CLMP: variants seen among roughly 807,000 people sequenced by gnomAD.
CLMP encodes CXADR-like membrane protein.
In CLMP, 27 loss-of-function variants were observed where a neutral mutation model predicts 45.2. That is an observed-to-expected ratio of 0.60 (90% confidence interval 0.44 to 0.82). The LOEUF (loss-of-function observed/expected upper bound fraction) is 0.82. Among genes scored for constraint, CLMP ranks in the 40% least tolerant of loss-of-function variants. The pLI is 0.00. For missense variants in CLMP, 403 were observed against 448.4 expected, an observed-to-expected ratio of 0.90 and a Z score of 0.91; for synonymous variants, 167 against 171.4, an observed-to-expected ratio of 0.97 and a Z score of 0.20.
intron 1 of CLMP, among the ~76,000 whole-genome samples, chr11:123,175,681 A>G (rs1440200065): frequency 6.6e-6 from 1 of 152,150 alleles, no homozygotes; most frequent in East Asian, 1.9e-4. Flanking sequence ...CTTTGGCTCA[A>G]TTATTATTTA....
chr11:123,137,032 T>G (rs1488627656), intron 1 of CLMP, among the ~76,000 whole-genome samples: 1 of 152,086 alleles, frequency 6.6e-6, no homozygotes, highest in African/African-American at 2.4e-5. Flanking sequence ...CATGTCCAGT[T>G]TCCCGAGCCC....
At chr11:123,146,270 C>T (rs1396831285) in intron 1 of CLMP, among the ~76,000 whole-genome samples, 2 of 152,080 alleles carry the variant, frequency 1.3e-5, no homozygotes, top group East Asian at 1.9e-4. Flanking sequence ...TGGTGGCTCG[C>T]GTCTGTAATC....
At position 123,070,068 on chromosome 11, in the gene CLMP, T is replaced by C. The variant is rs1466234809; in HGVS notation, c.*3406A>G. 1 of 152,246 alleles carries C rather than the reference T, an allele frequency of 6.6e-6. No homozygotes were observed. Among genetic ancestry groups the C allele is most frequent in the Non-Finnish European group, 1.5e-5 (1 of 68,036 alleles). 9.4% of individuals were successfully genotyped at this position (152,246 alleles called of 1,614,324 possible). On this transcript the variant is annotated 3_prime_UTR_variant, in exon 7 of 7. Coordinates refer to ENST00000448775, the MANE Select transcript of CLMP (RefSeq NM_024769.5). ...TTGCAACAGCAGTTCCGAAATTGTT[T>C]TTATACACTGTAACAACAAAGGTAC...
chr11:123,078,649 T>G (rs567122606), intron 5 of CLMP, among the ~76,000 whole-genome samples: 180 of 88,982 alleles, frequency 2.0e-3, no homozygotes, highest in African/African-American at 6.1e-3. Context: ...GTTTTTTTTG[T>G]TTTTTTTTTT....
At chr11:123,084,391 C>T in intron 3 of CLMP, 121 bp downstream of exon 3, 1 of 759,662 alleles carries the variant, frequency 1.3e-6, no homozygotes, top group Non-Finnish European at 2.2e-6. Context: ...ACGAGGTGAC[C>T]TCTGAATGTG....
intron 1 of CLMP, among the ~76,000 whole-genome samples, chr11:123,142,820 G>T (rs1861183197): frequency 6.7e-6 from 1 of 149,184 alleles, no homozygotes; most frequent in Non-Finnish European, 1.5e-5. Flanking sequence ...TAGAGACGGG[G>T]TTTCACCTTG....
intron 1 of CLMP, among the ~76,000 whole-genome samples, chr11:123,158,089 A>C (rs1053266240): frequency 5.9e-5 from 9 of 152,088 alleles, no homozygotes; most frequent in African/African-American, 2.2e-4. Flanking sequence ...GCTTCACTCA[A>C]ACTCCGACAC....
At chr11:123,158,272 G>A (rs1183591177) in intron 1 of CLMP, among the ~76,000 whole-genome samples, 1 of 152,196 alleles carries the variant, frequency 6.6e-6, no homozygotes, top group African/African-American at 2.4e-5. Flanking sequence ...ATCAGTGGAT[G>A]CAATCCTTTT....
chr11:123,176,742 T>C (rs1861705290), intron 1 of CLMP, among the ~76,000 whole-genome samples: 1 of 152,208 alleles, frequency 6.6e-6, no homozygotes, highest in Admixed American at 6.5e-5. Context: ...GGAGACAGTG[T>C]ATGCATCTCC....
intron 1 of CLMP, among the ~76,000 whole-genome samples, chr11:123,114,968 G>C (rs915430407): frequency 1.2e-4 from 19 of 152,126 alleles, no homozygotes; most frequent in African/African-American, 4.6e-4. Context: ...ACCCAGTATA[G>C]GTAGCTAACA....
At chr11:123,125,540 T>TCCCTTCCCTC (rs1565390093) in intron 1 of CLMP, among the ~76,000 whole-genome samples, 3 of 68,034 alleles carry the variant, frequency 4.4e-5, no homozygotes, top group African/African-American at 6.6e-5. Flanking sequence ...TCCCTCCCCT[T>TCCCTTCCCTC]CCCTCCCCTC....
chr11:123,115,627 A>C (rs1343596763), intron 1 of CLMP, among the ~76,000 whole-genome samples: 1 of 151,970 alleles, frequency 6.6e-6, no homozygotes, highest in East Asian at 1.9e-4. Flanking sequence ...GGTAGTGGTT[A>C]CTCCTGGAGT....
At chr11:123,176,016 G>T (rs1189045137) in intron 1 of CLMP, among the ~76,000 whole-genome samples, 1 of 152,176 alleles carries the variant, frequency 6.6e-6, no homozygotes, top group African/African-American at 2.4e-5. Flanking sequence ...AGGGGAGTAA[G>T]AAAAAATATA....
intron 5 of CLMP, among the ~76,000 whole-genome samples, chr11:123,078,648 GTTT>G (rs72256215): frequency 7.6e-6 from 1 of 132,064 alleles, no homozygotes. Flanking sequence ...GGTTTTTTTT[GTTT>G]TTTTTTTTTT....
At chr11:123,090,498 G>A (rs78988848) in intron 2 of CLMP, among the ~76,000 whole-genome samples, 9,755 of 151,976 alleles carry the variant, frequency 0.064, 383 homozygotes, top group Admixed American at 0.13. Flanking sequence ...ATCTCCAAAC[G>A]GAAGCCTCTC....
intron 6 of CLMP, 74 bp from the exon 7 acceptor site, chr11:123,073,848 G>A (rs1244611450): frequency 6.8e-7 from 1 of 1,469,684 alleles, no homozygotes; most frequent in Non-Finnish European, 9.1e-7. Context: ...TTCCTTCTGA[G>A]GTTTCCGAAG....
Position 123,195,104 on chromosome 11 carries a change from C to T in CLMP, c.-164G>A. The T allele has an allele frequency of 2.3e-6, 1 of 444,136 alleles. No homozygotes were observed. Among genetic ancestry groups the T allele is most frequent in the Non-Finnish European group, 3.5e-6 (1 of 284,066 alleles). The allele number at this position is 444,136 out of a possible 1,614,324, so 27.5% of individuals were successfully genotyped here. ...GGGAGCCGGCCCCGCGCCCCGTGCC[C>T]CTGGGGGCAGATGGGCTCCCGGCGC... is the stretch of plus-strand genomic sequence containing the variant. On this transcript the variant is annotated 5_prime_UTR_variant, in exon 1 of 7. Transcript: ENST00000448775.
chr11:123,115,144 C>T (rs1565386579), intron 1 of CLMP, among the ~76,000 whole-genome samples: 1 of 152,038 alleles, frequency 6.6e-6, no homozygotes, highest in Non-Finnish European at 1.5e-5. Flanking sequence ...TAGGCTCAAG[C>T]GATCCTCCTG....
chr11:123,118,460 TTC>T (rs1235597618), intron 1 of CLMP, among the ~76,000 whole-genome samples: 3 of 152,214 alleles, frequency 2.0e-5, no homozygotes, highest in African/African-American at 7.2e-5. Context: ...TTTAATCTGC[TTC>T]TTACATCAAA....
Sources: gnomAD v4.1 joint callset for allele counts (sites outside exome capture counted in the v4.1 genomes callset) on GRCh38, gnomAD v4.1.1 for gene constraint, MANE v1.5 for transcripts, NCBI Gene and HGNC (gene_info 2026-07-23, HGNC 2026-07-21) for gene names.